Variants in TLN1 observed in about 807,000 individuals in gnomAD.
TLN1 encodes talin-1.
In TLN1, 56 loss-of-function variants were observed where a neutral mutation model predicts 292.3. The ratio of observed to expected loss-of-function variants is 0.19; its 90% confidence interval spans 0.15 to 0.24. TLN1 has a LOEUF of 0.24. Among genes scored for constraint, TLN1 ranks in the 10% least tolerant of loss-of-function variants. The pLI is 1.00. For synonymous variants in TLN1, 1,119 were observed against 1,253.7 expected, an observed-to-expected ratio of 0.89 and a Z score of 2.27; for missense variants, 2,433 against 3,248.2, an observed-to-expected ratio of 0.75 and a Z score of 6.10.
chr9:35,720,513 T>G lies in TLN1; in HGVS notation c.1207-4A>C, dbSNP rs372503941. The G allele has an allele frequency of 3.7e-6, 6 of 1,613,108 alleles. No individual in the cohort carries two copies. The highest frequency in any genetic ancestry group is 5.1e-6 in the Non-Finnish European group (6 of 1,179,774). The stretch of plus-strand genomic sequence containing the variant: ...CAAAGTGATCCTTGCTTTTTTTCTG[T>G]AGGAAGGAAAAAGGAACAAGAGTTG... On this transcript the variant is annotated splice_region_variant and splice_polypyrimidine_tract_variant and intron_variant, in intron 11 of 56. Transcript: ENST00000314888.
chr9:35,727,538 C>T (rs1403644050), intron 1 of TLN1, among the ~76,000 whole-genome samples: 1 of 152,176 alleles, frequency 6.6e-6, no homozygotes, highest in Admixed American at 6.5e-5. Flanking sequence ...TAAGAGAGGA[C>T]CCTCCCAGTC....
chr9:35,704,653 G>A lies in TLN1; in HGVS notation c.5880+16C>T, dbSNP rs371139600. On this transcript the variant is annotated intron_variant, in intron 44 of 56. Transcript: ENST00000314888. This position sits in a 1 kb window ranked among gnomAD's most constrained non-coding sequence, Gnocchi z 6.9. ...TTGGAGGCAGTCCCACCATCTGCAG[G>A]GATGAGCACCGTCACCTTCTCAGAG... The A allele has an allele frequency of 6.2e-7, 1 of 1,613,304 alleles. No homozygotes were observed. Among genetic ancestry groups the A allele is most frequent in the African/African-American group, 1.3e-5 (1 of 74,896 alleles).
Position 35,697,795 on chromosome 9 carries a change from T to G in TLN1, c.7622A>C (p.His2541Pro), listed in dbSNP as rs1365992523. The change falls in exon 57 of 57, where the codon CAC becomes CCC. Residue 2541 changes from histidine (H) to proline (P), a missense_variant. His to Pro is a moderately conservative substitution (Grantham distance 77). Transcript: ENST00000314888. Reference protein sequence around the residue: ...KFLPSELRDEH With the variant: ...KFLPSELRDEP ...CATTAAATAGAAGAGGCTTCTTTAG[T>G]GCTCATCTCGAAGCTCTGAAGGCAG... 11 of 1,614,044 alleles carry G rather than the reference T, an allele frequency of 6.8e-6. No homozygotes were observed. The highest frequency in any genetic ancestry group is 3.4e-6 in the Non-Finnish European group (4 of 1,180,018).
chr9:35,718,945 A>G, intron 16 of TLN1, 35 bp from the exon 17 acceptor site: 1 of 1,607,162 alleles, frequency 6.2e-7, no homozygotes, highest in Non-Finnish European at 8.5e-7. Context: ...AAGCTGCCCA[A>G]TCCCTGCCCA....
intron 49 of TLN1, 41 bp downstream of exon 49, chr9:35,700,150 G>A: frequency 6.3e-7 from 1 of 1,593,506 alleles, no homozygotes; most frequent in Non-Finnish European, 8.6e-7. Flanking sequence ...ACTATGTTCT[G>A]GCCCAAAGCT....
At position 35,703,815 on chromosome 9, in the gene TLN1, C is replaced by G; in HGVS notation, c.6317G>C (p.Gly2106Ala). Residue 2106 changes from glycine to alanine, a missense_variant, in exon 47 of 57, where the codon GGA becomes GCA. Physicochemically the swap from Gly to Ala is moderately conservative, Grantham distance 60 (BLOSUM62 0). This residue lies in a region of TLN1 where 1,384 missense variants were observed against 1,699.6 expected (regional missense o/e 0.81). Transcript: ENST00000314888. ...TAGCTGCCACACAGCAGGGTCATCT[C>G]CAACTTTGCCAGCTGCAGCCTTCGT... The part of the protein sequence containing the change: ...SATKAAAGKV[G>A]DDPAVWQLKN... 6.2e-7 allele frequency: 1 copy of G among 1,614,224 alleles called. No homozygotes were observed. The highest frequency in any genetic ancestry group is 8.5e-7 in the Non-Finnish European group (1 of 1,180,048).
intron 17 of TLN1, 23 bp downstream of exon 17, chr9:35,718,788 TG>T: frequency 6.2e-7 from 1 of 1,602,948 alleles, no homozygotes; most frequent in Non-Finnish European, 8.5e-7. Flanking sequence ...TCTGGGGTTC[TG>T]GGGGGTTGGG....
chr9:35,708,079 G>C (rs1825597033), intron 34 of TLN1, 187 bp from the exon 35 acceptor site: 3 of 740,376 alleles, frequency 4.1e-6, no homozygotes, highest in Admixed American at 3.0e-5. Context: ...GCATGGGAGA[G>C]GAAAGACATA....
intron 48 of TLN1, among the ~76,000 whole-genome samples, chr9:35,702,028 G>A (rs1825474582): frequency 6.6e-6 from 1 of 152,178 alleles, no homozygotes. Flanking sequence ...CCAGAAGCAG[G>A]GAGACCAGGG....
chr9:35,702,261 T>TTCGGAGGCACTGCATCTA (rs1825478754), intron 48 of TLN1, among the ~76,000 whole-genome samples: 1 of 152,104 alleles, frequency 6.6e-6, no homozygotes. Flanking sequence ...ATCTAGGTGG[T>TTCGGAGGCACTGCATCTA]GATGTCAAAC....
chr9:35,700,106 T>G, intron 49 of TLN1, 25 bp from the exon 50 acceptor site: 1 of 1,602,130 alleles, frequency 6.2e-7, no homozygotes, highest in East Asian at 2.2e-5. Context: ...ATATGTTAGC[T>G]TTAGGCCCCG....
rs1000535156 is a variant in TLN1, at chr9:35,724,308, G to A, written c.538C>T (p.Leu180=). ...ELNWLDHGRT[L]REQGVEEHET... ...TGCTCCTCTACACCCTGCTCCCTCAGTGTCCGACCATGGTCCAGCCAGTTC... is the reference window on the plus strand; with the variant it reads ...TGCTCCTCTACACCCTGCTCCCTCAATGTCCGACCATGGTCCAGCCAGTTC... Residue 180 remains leucine, a synonymous_variant, in exon 6 of 57, where the codon CTG becomes TTG. Transcript: ENST00000314888. This position sits in a 1 kb window ranked among gnomAD's most constrained non-coding sequence, Gnocchi z 4.7. 3.7e-6 allele frequency: 6 copies of A among 1,614,060 alleles called. No homozygotes were observed. Among genetic ancestry groups the A allele is most frequent in the African/African-American group, 2.7e-5 (2 of 74,898 alleles).
chr9:35,723,027 T>A, intron 7 of TLN1, 106 bp from the exon 8 acceptor site: 1 of 935,794 alleles, frequency 1.1e-6, no homozygotes, highest in Non-Finnish European at 1.7e-6. Flanking sequence ...GACAGTGTTA[T>A]CTTTGGGGAG....
intron 43 of TLN1, among the ~76,000 whole-genome samples, chr9:35,705,020 C>T (rs1029627625): frequency 6.6e-6 from 1 of 152,158 alleles, no homozygotes; most frequent in East Asian, 1.9e-4. Context: ...AATAGTAGCA[C>T]GCAGGCACTA....
At chr9:35,700,716 A>C (rs1291480829) in intron 48 of TLN1, among the ~76,000 whole-genome samples, 1 of 152,242 alleles carries the variant, frequency 6.6e-6, no homozygotes, top group Admixed American at 6.5e-5. Context: ...GTCACATCGG[A>C]AAGTATCAAG....
chr9:35,719,049 C>G lies in TLN1; in HGVS notation c.1896+25G>C, dbSNP rs771427225. On this transcript the variant is annotated intron_variant, in intron 16 of 56. Transcript: ENST00000314888. This position sits in a 1 kb window ranked among gnomAD's most constrained non-coding sequence, Gnocchi z 4.6. The stretch of plus-strand genomic sequence containing the variant: ...CTTGGGCTTGAACCCTGTCTCCACC[C>G]TAACCCAAACCTGTGGCCCCTGACC... 3.1e-6 allele frequency: 5 copies of G among 1,605,006 alleles called. No individual in the cohort carries two copies. The highest frequency in any genetic ancestry group is 4.3e-6 in the Non-Finnish European group (5 of 1,174,600).
chr9:35,717,563 CGT>C lies in TLN1; in HGVS notation c.2163+54_2163+55del. ...CCAAAGAAATAAAATGAAAGGCTCA[CGT>C]GTGTGTGGTAGTATTACCCCTCAGC... On this transcript the variant is annotated intron_variant, in intron 18 of 56. Transcript: ENST00000314888. The surrounding 1 kb of genome is among the most constrained non-coding windows in gnomAD (Gnocchi z 4.7). 3 of 1,585,558 alleles carry C rather than the reference CGT, an allele frequency of 1.9e-6. No individual in the cohort carries two copies. Among genetic ancestry groups the C allele is most frequent in the Non-Finnish European group, 2.6e-6 (3 of 1,160,250 alleles).
At chr9:35,731,117 G>C (rs531563870) in intron 1 of TLN1, among the ~76,000 whole-genome samples, 1 of 152,258 alleles carries the variant, frequency 6.6e-6, no homozygotes, top group South Asian at 2.1e-4. Flanking sequence ...ACGCTAGCCT[G>C]AAATTAGTTT....
At position 35,732,002 on chromosome 9, in the gene TLN1, C is replaced by T. The variant is rs999773963; in HGVS notation, c.-34+73G>A. The T allele has an allele frequency of 4.6e-5, 7 of 152,824 alleles. No individual in the cohort carries two copies. The highest frequency in any genetic ancestry group is 1.3e-4 in the Admixed American group (2 of 15,292). The allele number at this position is 152,824 out of a possible 1,614,324, so 9.5% of individuals were successfully genotyped here. A position where few individuals can be genotyped will look rare whatever the true frequency, so the allele number is the denominator to read the frequency against. On this transcript the variant is annotated intron_variant, in intron 1 of 56. Coordinates refer to ENST00000314888, the MANE Select transcript of TLN1 (RefSeq NM_006289.4). The surrounding 1 kb of genome is among the most constrained non-coding windows in gnomAD (Gnocchi z 5.1). ...ACCCGAACCGGACACGCAAGAGAGG[C>T]AGGGCCCGCCCGCCCCGGGGCCAGG...
Sources: gnomAD v4.1 joint callset for allele counts (sites outside exome capture counted in the v4.1 genomes callset) on GRCh38, gnomAD v4.1.1 for gene constraint, gnomAD v4.1.1 regional missense constraint, Gnocchi (gnomAD v3.1) non-coding constraint, MANE v1.5 for transcripts, NCBI Gene and HGNC (gene_info 2026-07-23, HGNC 2026-07-21) for gene names.